Variants in UBE2J1 observed in about 807,000 individuals in gnomAD.
The protein encoded by UBE2J1 is ubiquitin conjugating enzyme E2 J1, also known as ubiquitin-conjugating enzyme E2 J1.
Under a neutral mutation model 42.1 loss-of-function variants are expected in UBE2J1, and 17 were observed. That is an observed-to-expected ratio of 0.40 (90% CI 0.28 to 0.61). UBE2J1 has a LOEUF of 0.61. Among genes scored for constraint, UBE2J1 ranks in the 20% least tolerant of loss-of-function variants. The pLI is 0.38. For missense variants in UBE2J1, 291 were observed against 389.4 expected (o/e 0.75, Z 2.13); for synonymous variants, 127 against 137.2 (o/e 0.93, Z 0.52).
intron 1 of UBE2J1, among the ~76,000 whole-genome samples, chr6:89,349,908 C>G (rs949410744): frequency 6.6e-5 from 10 of 152,038 alleles, no homozygotes; most frequent in African/African-American, 2.4e-4. Context: ...CATTTCTTCA[C>G]TTTGTACTAT....
At position 89,336,824 on chromosome 6, in the gene UBE2J1, C is replaced by T. The variant is rs564213400; in HGVS notation, c.428+1381G>A. Among the ~76,000 whole-genome samples, 13 of 151,580 alleles carry T rather than the reference C, an allele frequency of 8.6e-5. No individual in the cohort carries two copies. In the East Asian group the frequency reaches 1.2e-3, roughly 14 times the overall value. ...TATCCACAATGGTAGCATGCTACCA[C>T]GGTTGAATGCAAAAATCTTTGTTTT... On this transcript the variant is annotated intron_variant, in intron 5 of 7. Transcript: ENST00000435041.
chr6:89,341,648 C>T (rs1768248207), intron 3 of UBE2J1, among the ~76,000 whole-genome samples: 1 of 151,870 alleles, frequency 6.6e-6, no homozygotes, highest in Non-Finnish European at 1.5e-5. Flanking sequence ...AGCTTGAGCC[C>T]AGGAGTTTGA....
chr6:89,335,223 A>T, intron 6 of UBE2J1, 79 bp downstream of exon 6: 1 of 1,309,700 alleles, frequency 7.6e-7, no homozygotes, highest in Non-Finnish European at 1.0e-6. Flanking sequence ...ATAGAACTGC[A>T]TCGCTTTCCT....
intron 7 of UBE2J1, among the ~76,000 whole-genome samples, chr6:89,330,251 A>T (rs1246232133): frequency 2.0e-5 from 3 of 152,292 alleles, no homozygotes; most frequent in Middle Eastern, 3.4e-3. Flanking sequence ...CTTAATGAAA[A>T]TATGTATATA....
rs1562428824 is a variant in UBE2J1, at chr6:89,352,697, A to G, written c.-128T>C. On this transcript the variant is annotated 5_prime_UTR_variant, in exon 1 of 8. Coordinates refer to ENST00000435041, the MANE Select transcript of UBE2J1 (RefSeq NM_016021.3). ...CGAGGAGCCTCGGCAAATGCCGCCC[A>G]GTCCAGCCTGGACTGCGGGCGGGGT... is the stretch of plus-strand genomic sequence containing the variant. 4 of 1,112,668 alleles carry G rather than the reference A, an allele frequency of 3.6e-6. No homozygotes were observed. Among genetic ancestry groups the G allele is most frequent in the Non-Finnish European group, 3.6e-6 (3 of 831,420 alleles). 68.9% of individuals were successfully genotyped at this position (1,112,668 alleles called of 1,614,324 possible).
intron 6 of UBE2J1, 140 bp downstream of exon 6, chr6:89,335,162 A>T: frequency 2.7e-6 from 2 of 747,808 alleles, no homozygotes; most frequent in Non-Finnish European, 3.9e-6. Context: ...CACAGAAATT[A>T]AAAATATAAA....
At chr6:89,351,221 G>C (rs1032634008) in intron 1 of UBE2J1, among the ~76,000 whole-genome samples, 10 of 151,498 alleles carry the variant, frequency 6.6e-5, no homozygotes, top group Non-Finnish European at 1.2e-4. Context: ...TGGAACTACA[G>C]GAGTGCGCCA....
intron 1 of UBE2J1, among the ~76,000 whole-genome samples, chr6:89,347,569 C>T (rs1370413898): frequency 1.3e-5 from 2 of 152,212 alleles, no homozygotes; most frequent in Non-Finnish European, 2.9e-5. Flanking sequence ...TGTAAAGGAA[C>T]AATCATTGGT....
intron 2 of UBE2J1, among the ~76,000 whole-genome samples, chr6:89,343,405 A>C (rs1425594190): frequency 1.4e-5 from 2 of 142,836 alleles, no homozygotes; most frequent in African/African-American, 5.3e-5. Context: ...ACTGCACTCC[A>C]GCCTGGGCAA....
At chr6:89,348,105 T>G (rs1018572515) in intron 1 of UBE2J1, among the ~76,000 whole-genome samples, 2 of 152,188 alleles carry the variant, frequency 1.3e-5, no homozygotes, top group Admixed American at 1.3e-4. Flanking sequence ...CTCCTGATAC[T>G]CCATCTCTTG....
At chr6:89,332,521 T>C (rs182110019) in intron 7 of UBE2J1, among the ~76,000 whole-genome samples, 3 of 152,340 alleles carry the variant, frequency 2.0e-5, no homozygotes, top group Admixed American at 6.5e-5. Context: ...AATGTTTATG[T>C]CTACACTGTC....
intron 6 of UBE2J1, among the ~76,000 whole-genome samples, chr6:89,333,810 A>G (rs1330624935): frequency 6.6e-6 from 1 of 152,112 alleles, no homozygotes; most frequent in Non-Finnish European, 1.5e-5. Context: ...GTTCTGAGCA[A>G]CTCCTCCTCC....
intron 2 of UBE2J1, 130 bp from the exon 3 acceptor site, chr6:89,342,585 G>A: frequency 2.6e-6 from 2 of 782,510 alleles, no homozygotes; most frequent in Non-Finnish European, 3.8e-6. Context: ...AGTTTCTAAT[G>A]CATGAGATGT....
At chr6:89,333,857 A>G (rs1303137699) in intron 6 of UBE2J1, among the ~76,000 whole-genome samples, 1 of 152,238 alleles carries the variant, frequency 6.6e-6, no homozygotes, top group East Asian at 1.9e-4. Flanking sequence ...CTGGACCTGG[A>G]AAGACAGACA....
At chr6:89,338,426 T>C (rs1768152623) in intron 4 of UBE2J1, 33 bp downstream of exon 4, 5 of 1,583,854 alleles carry the variant, frequency 3.2e-6, no homozygotes, top group African/African-American at 1.3e-5. Flanking sequence ...ACTGAAGTTA[T>C]GAGATTTATA....
At chr6:89,350,814 G>A (rs1768461039) in intron 1 of UBE2J1, among the ~76,000 whole-genome samples, 1 of 151,928 alleles carries the variant, frequency 6.6e-6, no homozygotes, top group Admixed American at 6.6e-5. Flanking sequence ...AATCTCTTGG[G>A]TTCCACCAGT....
intron 6 of UBE2J1, among the ~76,000 whole-genome samples, chr6:89,334,370 A>G (rs1768068967): frequency 6.6e-6 from 1 of 152,140 alleles, no homozygotes; most frequent in African/African-American, 2.4e-5. Flanking sequence ...ATGTTCGGGT[A>G]AAACATATAC....
chr6:89,329,843 A>G lies in UBE2J1; in HGVS notation c.793T>C (p.Leu265=), dbSNP rs761387891. The change falls in exon 8 of 8, where the codon TTG becomes CTG. Residue 265 remains leucine, a synonymous_variant. Transcript: ENST00000435041. The part of the protein sequence containing the change: ...RRAQQQSQRR[L]STSPDVIQGH... ...TGGATTACATCTGGTGAAGTAGACA[A>G]CCTTCTCTGACTCTGCTGCTGGGCC... The G allele has an allele frequency of 6.2e-7, 1 of 1,614,102 alleles. No individual in the cohort carries two copies. The highest frequency in any genetic ancestry group is 8.5e-7 in the Non-Finnish European group (1 of 1,179,998).
intron 1 of UBE2J1, among the ~76,000 whole-genome samples, chr6:89,349,714 G>A (rs2127874545): frequency 6.6e-6 from 1 of 152,212 alleles, no homozygotes; most frequent in Non-Finnish European, 1.5e-5. Context: ...GGCCTGAGTT[G>A]GACATGAAAC....
Sources: allele counts gnomAD v4.1 joint callset (sites outside exome capture counted in the v4.1 genomes callset), GRCh38; gene constraint gnomAD v4.1.1; transcripts MANE v1.5; gene names NCBI Gene and HGNC (gene_info 2026-07-23, HGNC 2026-07-21).